NPAS3: variants seen among roughly 807,000 people sequenced by gnomAD.
NPAS3 encodes neuronal PAS domain protein 3, also known as neuronal PAS domain-containing protein 3.
A neutral mutation model predicts 73.1 loss-of-function variants in NPAS3; 14 were observed. The observed-to-expected ratio is 0.19, with a 90% confidence interval of 0.13 to 0.30. The LOEUF (loss-of-function observed/expected upper bound fraction) is 0.30, where lower values mean the gene tolerates loss of function less well. Among genes scored for constraint, NPAS3 ranks in the 10% least tolerant of loss-of-function variants. The probability of loss-of-function intolerance (pLI) is 1.00; values close to 1 mark genes in which losing one functional copy is unlikely to be tolerated. For synonymous variants in NPAS3, 620 were observed against 541.5 expected (o/e 1.14, Z -2.01); for missense variants, 1,096 against 1,250.0 (o/e 0.88, Z 1.86).
chr14:33,665,077 G>A (rs542971647), intron 5 of NPAS3, among the ~76,000 whole-genome samples: 50 of 152,300 alleles, frequency 3.3e-4, no homozygotes, highest in African/African-American at 1.2e-3. Flanking sequence ...CTGCAGCACT[G>A]TTCACAATAG....
At chr14:33,794,352 TCAGCCTA>T (rs2063450398) in intron 10 of NPAS3, among the ~76,000 whole-genome samples, 1 of 152,198 alleles carries the variant, frequency 6.6e-6, no homozygotes, top group East Asian at 1.9e-4. Context: ...AATACAGACT[TCAGCCTA>T]CAGCTGAAGC....
At chr14:33,756,079 G>A (rs1168632133) in intron 7 of NPAS3, among the ~76,000 whole-genome samples, 1 of 152,172 alleles carries the variant, frequency 6.6e-6, no homozygotes, top group African/African-American at 2.4e-5. Flanking sequence ...ATGAAGTTTG[G>A]TGAGGGCAAA....
chr14:33,381,564 A>C (rs1363853355), intron 4 of NPAS3, among the ~76,000 whole-genome samples: 1 of 152,182 alleles, frequency 6.6e-6, no homozygotes, highest in Non-Finnish European at 1.5e-5. Flanking sequence ...AAAAGTAGTA[A>C]AGGGATTTGC....
At chr14:33,025,934 G>C (rs890617303) in intron 1 of NPAS3, among the ~76,000 whole-genome samples, 1 of 152,182 alleles carries the variant, frequency 6.6e-6, no homozygotes, top group Non-Finnish European at 1.5e-5. Context: ...AACTAATACA[G>C]TTGCCAAGTA....
At chr14:33,257,262 C>G (rs17091715) in intron 3 of NPAS3, among the ~76,000 whole-genome samples, 18 of 152,156 alleles carry the variant, frequency 1.2e-4, no homozygotes, top group Non-Finnish European at 1.6e-4. Context: ...TTTGCACCAA[C>G]GCTTACCTCT....
intron 2 of NPAS3, among the ~76,000 whole-genome samples, chr14:33,127,987 A>G (rs2043491612): frequency 6.6e-6 from 1 of 152,190 alleles, no homozygotes; most frequent in South Asian, 2.1e-4. Flanking sequence ...GTGTTCACTC[A>G]GTAATTATGA....
At chr14:33,020,832 A>C (rs1424599609) in intron 1 of NPAS3, among the ~76,000 whole-genome samples, 1 of 151,252 alleles carries the variant, frequency 6.6e-6, no homozygotes, top group Admixed American at 6.6e-5. Context: ...GTGATCTCGG[A>C]TCACTGCAAC....
intron 2 of NPAS3, among the ~76,000 whole-genome samples, chr14:33,119,387 T>G (rs2043162177): frequency 6.6e-6 from 1 of 152,156 alleles, no homozygotes; most frequent in African/African-American, 2.4e-5. Context: ...TTTAATATTT[T>G]TTCCCACTAT....
At chr14:33,795,545 G>T (rs2063488130) in intron 10 of NPAS3, among the ~76,000 whole-genome samples, 1 of 152,202 alleles carries the variant, frequency 6.6e-6, no homozygotes, top group African/African-American at 2.4e-5. Context: ...TTGTGACAAG[G>T]AGACCCATCA....
At chr14:33,733,536 G>T (rs553210768) in intron 6 of NPAS3, among the ~76,000 whole-genome samples, 33 of 152,236 alleles carry the variant, frequency 2.2e-4, no homozygotes, top group Non-Finnish European at 4.3e-4. Context: ...AGAGAAATAA[G>T]GTTGATGTGA....
intron 4 of NPAS3, among the ~76,000 whole-genome samples, chr14:33,393,612 T>TAATTTCC (rs2047099521): frequency 1.3e-5 from 2 of 152,184 alleles, no homozygotes; most frequent in Admixed American, 6.6e-5. Flanking sequence ...GAAATAGAGT[T>TAATTTCC]AATTTCCAGG....
At chr14:32,939,126 C>CA (rs1381292367), upstream of NPAS3, 1 of 158,418 alleles carries the variant, frequency 6.3e-6, no homozygotes, top group African/African-American at 2.5e-5. Context: ...CCGCCGCCGC[C>CA]GCCGCCGCCG....
At chr14:33,774,609 GT>G (rs2062755934) in intron 8 of NPAS3, 79 bp downstream of exon 8, 16 of 1,162,826 alleles carry the variant, frequency 1.4e-5, no homozygotes, top group Non-Finnish European at 2.0e-5. Flanking sequence ...CTGAAGGATG[GT>G]ACTCTCCCAG....
rs201563699 is a variant in NPAS3, at chr14:33,521,896, TC to T, written c.469-38224del. On this transcript the variant is annotated intron_variant, in intron 4 of 11. Coordinates refer to ENST00000356141, the Ensembl canonical transcript of NPAS3. ...GCTCTTGACTTGCCGCCGGAGCTTTTCTTTTCCTCTCAGTTTACATTGGCTG... is the reference window on the plus strand; with the variant it reads ...GCTCTTGACTTGCCGCCGGAGCTTTTTTTTCCTCTCAGTTTACATTGGCTG... Among the ~76,000 whole-genome samples, 289 of 152,288 alleles carry T rather than the reference TC, an allele frequency of 1.9e-3. 1 individual carries two copies. Among genetic ancestry groups the T allele is most frequent in the African/African-American group, 6.4e-3 (265 of 41,564 alleles).
At chr14:32,950,599 A>G (rs763578348) in intron 1 of NPAS3, among the ~76,000 whole-genome samples, 50 of 152,120 alleles carry the variant, frequency 3.3e-4, no homozygotes, top group Non-Finnish European at 7.4e-5. Context: ...ATGTGATACA[A>G]CTACTAGCAA....
At chr14:33,513,205 G>A (rs2053141297) in intron 4 of NPAS3, among the ~76,000 whole-genome samples, 1 of 151,976 alleles carries the variant, frequency 6.6e-6, no homozygotes, top group African/African-American at 2.4e-5. Flanking sequence ...ACATGAAGTT[G>A]ACAAAAATTT....
intron 2 of NPAS3, among the ~76,000 whole-genome samples, chr14:33,199,867 TCAG>T (rs1172295346): frequency 3.9e-5 from 6 of 152,086 alleles, no homozygotes; most frequent in Non-Finnish European, 8.8e-5. Context: ...GACATTCAGA[TCAG>T]CAGCAGCATA....
At chr14:33,311,706 A>C (rs2043009751) in intron 3 of NPAS3, among the ~76,000 whole-genome samples, 1 of 152,148 alleles carries the variant, frequency 6.6e-6, no homozygotes, top group Admixed American at 6.6e-5. Flanking sequence ...GACATAATAA[A>C]AGTAAATAAA....
chr14:33,602,185 G>A (rs898858979), intron 5 of NPAS3, among the ~76,000 whole-genome samples: 5 of 152,212 alleles, frequency 3.3e-5, no homozygotes, highest in Non-Finnish European at 5.9e-5. Flanking sequence ...TAAGTATTCA[G>A]CCGAGCACTA....
Sources: gnomAD v4.1 joint callset for allele counts (sites outside exome capture counted in the v4.1 genomes callset) on GRCh38, gnomAD v4.1.1 for gene constraint, MANE v1.5 for transcripts, NCBI Gene and HGNC (gene_info 2026-07-23, HGNC 2026-07-21) for gene names.